KCNH1: variants seen among roughly 807,000 people sequenced by gnomAD.
KCNH1 encodes potassium voltage-gated channel subfamily H member 1, also known as voltage-gated delayed rectifier potassium channel KCNH1.
Under a neutral mutation model 69.2 loss-of-function variants are expected in KCNH1, and 27 were observed. That is an observed-to-expected ratio of 0.39 (90% CI 0.29 to 0.54). KCNH1 has a LOEUF of 0.54. Ranked by LOEUF, KCNH1 falls within the 20% of genes least tolerant of loss-of-function variation. The probability of loss-of-function intolerance (pLI) is 0.68; values close to 1 mark genes in which losing one functional copy is unlikely to be tolerated. For synonymous variants in KCNH1, 456 were observed against 487.7 expected (o/e 0.93, Z 0.86); for missense variants, 798 against 1,261.6 (o/e 0.63, Z 5.57).
At position 210,882,742 on chromosome 1, in the gene KCNH1, G is replaced by T. The variant is rs145360960; in HGVS notation, c.1462+36898C>A. Among the ~76,000 whole-genome samples, 518 of 152,226 alleles carry T rather than the reference G, an allele frequency of 3.4e-3. 5 individuals are homozygous for T. The highest frequency in any genetic ancestry group is 0.011 in the African/African-American group (466 of 41,538). The stretch of plus-strand genomic sequence containing the variant: ...GAGGGGAAAATCATTTTCTTTTCAG[G>T]CTGAATGTGCTCGCTGGAGGATTGC... On this transcript the variant is annotated intron_variant, in intron 7 of 10. Transcript: ENST00000271751.
Position 211,133,817 on chromosome 1 carries a change from A to G in KCNH1, c.79+50T>C. On this transcript the variant is annotated intron_variant, in intron 1 of 10. Coordinates refer to ENST00000271751, the MANE Select transcript of KCNH1 (RefSeq NM_172362.3). The surrounding 1 kb of genome is among the most constrained non-coding windows in gnomAD (Gnocchi z 5.4). ...CCGAGCGGCGAGAGGTTCTGCAATA[A>G]AGGCACGGATAAAACGCCCGGGTAA... The G allele has an allele frequency of 6.5e-7, 1 of 1,536,414 alleles. No homozygotes were observed. The highest frequency in any genetic ancestry group is 9.0e-7 in the Non-Finnish European group (1 of 1,114,614).
At chr1:210,776,459 G>T (rs776752812) in intron 9 of KCNH1, among the ~76,000 whole-genome samples, 4 of 152,158 alleles carry the variant, frequency 2.6e-5, no homozygotes, top group African/African-American at 4.8e-5. Context: ...TTAGTGCAAT[G>T]ATGTCAGGAA....
chr1:211,049,042 A>G (rs1374749033), intron 5 of KCNH1, among the ~76,000 whole-genome samples: 1 of 152,126 alleles, frequency 6.6e-6, no homozygotes, highest in Non-Finnish European at 1.5e-5. Flanking sequence ...TTGAAGAAAA[A>G]AAAAATAAAG....
At chr1:210,929,337 G>A (rs1184307872) in intron 6 of KCNH1, among the ~76,000 whole-genome samples, 3 of 152,128 alleles carry the variant, frequency 2.0e-5, no homozygotes, top group Non-Finnish European at 4.4e-5. Context: ...CCATGATCAA[G>A]TGGGTTTCAT....
intron 10 of KCNH1, among the ~76,000 whole-genome samples, chr1:210,711,318 G>A (rs1574199343): frequency 6.6e-6 from 1 of 152,210 alleles, no homozygotes; most frequent in Admixed American, 6.5e-5. Flanking sequence ...GTCCTGGGGA[G>A]TTCAGGGGCT....
At chr1:210,782,746 A>G (rs1684012656) in intron 9 of KCNH1, among the ~76,000 whole-genome samples, 2 of 152,024 alleles carry the variant, frequency 1.3e-5, no homozygotes, top group Admixed American at 6.5e-5. Context: ...AGAAAGAAAG[A>G]AAAAAAGATT....
intron 7 of KCNH1, chr1:210,858,790 A>G (rs1685912038): frequency 5.7e-6 from 1 of 175,356 alleles, no homozygotes; most frequent in Non-Finnish European, 1.2e-5. Flanking sequence ...TAAATGAGAC[A>G]TTTTAAATAG....
chr1:210,735,410 A>ATGAG (rs1301346598), intron 10 of KCNH1, among the ~76,000 whole-genome samples: 1 of 129,686 alleles, frequency 7.7e-6, no homozygotes, highest in African/African-American at 3.1e-5. Context: ...GTGTGAGTGA[A>ATGAG]TGAGTGAGTG....
intron 6 of KCNH1, among the ~76,000 whole-genome samples, chr1:211,010,672 G>C (rs1487457938): frequency 6.6e-6 from 1 of 152,138 alleles, no homozygotes; most frequent in East Asian, 1.9e-4. Flanking sequence ...CCCTGTTGTA[G>C]GCTGTAACAC....
intron 7 of KCNH1, among the ~76,000 whole-genome samples, chr1:210,882,181 C>G (rs949965405): frequency 2.6e-5 from 4 of 152,036 alleles, no homozygotes; most frequent in African/African-American, 7.2e-5. Context: ...TGCCATGAAC[C>G]TAAAATCACT....
chr1:210,986,739 G>A (rs190748367), intron 6 of KCNH1, among the ~76,000 whole-genome samples: 2 of 152,250 alleles, frequency 1.3e-5, no homozygotes, highest in African/African-American at 2.4e-5. Flanking sequence ...TTTCAACGTT[G>A]GTGAATCTGA....
In KCNH1 at chr1:210,694,666, A is replaced by G. The variant is rs114515680; in HGVS notation, c.2113-10528T>C. Among the ~76,000 whole-genome samples the G allele has an allele frequency of 1.1e-3, 172 of 152,298 alleles. 1 individual carries two copies. The highest frequency in any genetic ancestry group is 4.0e-3 in the African/African-American group (167 of 41,564). On this transcript the variant is annotated intron_variant, in intron 10 of 10. Transcript: ENST00000271751. Reference sequence around the variant, plus strand: ...GGGGAGAGCCTCTGTTTTGTGATGGATTTCACAGGACTTCACAGCTTTGTA... The same window carrying G: ...GGGGAGAGCCTCTGTTTTGTGATGGGTTTCACAGGACTTCACAGCTTTGTA...
intron 7 of KCNH1, among the ~76,000 whole-genome samples, chr1:210,916,583 G>T (rs533929419): frequency 9.2e-5 from 14 of 152,272 alleles, no homozygotes; most frequent in Admixed American, 3.3e-4. Flanking sequence ...AGAGAGATCT[G>T]GATCTGAATC....
At chr1:210,913,507 A>C (rs1276633850) in intron 7 of KCNH1, among the ~76,000 whole-genome samples, 1 of 152,170 alleles carries the variant, frequency 6.6e-6, no homozygotes, top group Non-Finnish European at 1.5e-5. Flanking sequence ...TATCTCATTT[A>C]GTTTTCACTT....
chr1:211,090,521 A>G, intron 4 of KCNH1, 41 bp downstream of exon 4: 1 of 1,553,248 alleles, frequency 6.4e-7, no homozygotes. Context: ...AATAAAGACA[A>G]AAAAGGCATA....
intron 5 of KCNH1, among the ~76,000 whole-genome samples, chr1:211,031,086 C>A (rs1395612626): frequency 6.6e-6 from 1 of 151,876 alleles, no homozygotes; most frequent in Non-Finnish European, 1.5e-5. Context: ...TTAAAAGGGA[C>A]AACACCTTTC....
chr1:210,875,303 A>AC (rs1218774419), intron 7 of KCNH1, among the ~76,000 whole-genome samples: 8 of 152,210 alleles, frequency 5.3e-5, no homozygotes, highest in Non-Finnish European at 1.5e-5. Context: ...AGCCTATATG[A>AC]CCACTGCTGT....
chr1:211,074,302 T>C (rs114680032), intron 5 of KCNH1, among the ~76,000 whole-genome samples: 1,842 of 151,574 alleles, frequency 0.012, 33 homozygotes, highest in African/African-American at 0.042. Flanking sequence ...TATAAATTTA[T>C]ATATATATAA....
intron 7 of KCNH1, among the ~76,000 whole-genome samples, chr1:210,810,575 C>T (rs1414271236): frequency 6.6e-6 from 1 of 152,066 alleles, no homozygotes; most frequent in Non-Finnish European, 1.5e-5. Context: ...CTATTTCTAT[C>T]ATTTTATGAG....
Sources: allele counts gnomAD v4.1 joint callset (sites outside exome capture counted in the v4.1 genomes callset), GRCh38; gene constraint gnomAD v4.1.1; non-coding constraint Gnocchi (gnomAD v3.1); transcripts MANE v1.5; gene names NCBI Gene and HGNC (gene_info 2026-07-23, HGNC 2026-07-21).